The following NELL1 variants were observed in gnomAD, a reference collection of about 807,000 sequenced individuals.
The protein encoded by NELL1 is neural EGFL like 1.
A neutral mutation model predicts 107.4 loss-of-function variants in NELL1; 76 were observed. That is an observed-to-expected ratio of 0.71 (90% CI 0.59 to 0.86). The LOEUF (loss-of-function observed/expected upper bound fraction) is 0.86. NELL1 is among the 40% of genes least tolerant of loss of function. The pLI, the probability that NELL1 is intolerant of heterozygous loss-of-function variation, is 0.00. For synonymous variants in NELL1, 353 were observed against 341.2 expected, an observed-to-expected ratio of 1.03 and a Z score of -0.38; for missense variants, 1,024 against 1,005.5, an observed-to-expected ratio of 1.02 and a Z score of -0.25.
chr11:20,763,611 T>C (rs1479443654), intron 2 of NELL1, among the ~76,000 whole-genome samples: 1 of 152,206 alleles, frequency 6.6e-6, no homozygotes, highest in African/African-American at 2.4e-5. Context: ...TTTCATATCA[T>C]GACACATAAG....
chr11:20,682,577 G>C (rs115231876), intron 2 of NELL1, among the ~76,000 whole-genome samples: 6,765 of 151,796 alleles, frequency 0.045, 527 homozygotes, highest in African/African-American at 0.16. Flanking sequence ...AATTAAACAG[G>C]TTTATTGAGG....
chr11:20,717,675 C>CT (rs1238343425), intron 2 of NELL1, among the ~76,000 whole-genome samples: 3 of 152,118 alleles, frequency 2.0e-5, no homozygotes, highest in African/African-American at 7.2e-5. Flanking sequence ...TTCTTAAGGA[C>CT]TGTCTTACCT....
chr11:21,042,158 T>A (rs1853250891), intron 12 of NELL1, among the ~76,000 whole-genome samples: 1 of 152,230 alleles, frequency 6.6e-6, no homozygotes, highest in Non-Finnish European at 1.5e-5. Flanking sequence ...TAACACAATG[T>A]ATTATAAACG....
chr11:20,708,235 C>A (rs1564872736), intron 2 of NELL1, among the ~76,000 whole-genome samples: 1 of 152,220 alleles, frequency 6.6e-6, no homozygotes, highest in African/African-American at 2.4e-5. Context: ...TTTCCAGGTA[C>A]CATCTGTCAT....
intron 2 of NELL1, among the ~76,000 whole-genome samples, chr11:20,690,936 G>A (rs7936689): frequency 0.44 from 66,152 of 151,654 alleles, 16,066 homozygotes; most frequent in Middle Eastern, 0.61. Context: ...TCTTCCATTT[G>A]TTTGTGTCCT....
At chr11:21,209,067 C>G (rs1857445986) in intron 13 of NELL1, among the ~76,000 whole-genome samples, 1 of 152,124 alleles carries the variant, frequency 6.6e-6, no homozygotes, top group Admixed American at 6.6e-5. Flanking sequence ...TGGGATCCTA[C>G]TGGGCACAAA....
chr11:20,905,363 A>G (rs1250983628), intron 5 of NELL1, among the ~76,000 whole-genome samples: 2 of 152,186 alleles, frequency 1.3e-5, no homozygotes, highest in Non-Finnish European at 2.9e-5. Flanking sequence ...TCAGTGTTCA[A>G]ATAAAGTCAC....
intron 15 of NELL1, among the ~76,000 whole-genome samples, chr11:21,465,618 C>T (rs1470491627): frequency 1.3e-5 from 2 of 152,050 alleles, no homozygotes; most frequent in Admixed American, 1.3e-4. Context: ...CATTCATTCA[C>T]CTTTTTAAAA....
chr11:21,421,707 A>G (rs1590920330), intron 15 of NELL1, among the ~76,000 whole-genome samples: 2 of 152,136 alleles, frequency 1.3e-5, no homozygotes, highest in East Asian at 3.9e-4. Context: ...ACGAGAGAGA[A>G]AAAGGAGCAG....
intron 13 of NELL1, among the ~76,000 whole-genome samples, chr11:21,121,210 G>A (rs1855360251): frequency 6.6e-6 from 1 of 152,144 alleles, no homozygotes; most frequent in Non-Finnish European, 1.5e-5. Flanking sequence ...AGAGGGAAAT[G>A]GGAAGGGATA....
intron 2 of NELL1, among the ~76,000 whole-genome samples, chr11:20,707,626 G>A (rs1590222265): frequency 6.6e-6 from 1 of 152,302 alleles, no homozygotes; most frequent in East Asian, 1.9e-4. Context: ...GGAGTTTGCT[G>A]GAGGTCCATT....
chr11:21,401,551 A>T (rs1167870783), intron 15 of NELL1, among the ~76,000 whole-genome samples: 1 of 150,454 alleles, frequency 6.6e-6, no homozygotes, highest in African/African-American at 2.5e-5. Flanking sequence ...GTGCAAACTG[A>T]CACAAAAATG....
chr11:20,704,050 G>A (rs1336474661), intron 2 of NELL1, among the ~76,000 whole-genome samples: 4 of 151,624 alleles, frequency 2.6e-5, no homozygotes, highest in Non-Finnish European at 4.4e-5. Context: ...TTCAATTCCC[G>A]GGTATCCTTG....
At chr11:20,978,414 A>C (rs958165542) in intron 12 of NELL1, among the ~76,000 whole-genome samples, 9 of 151,238 alleles carry the variant, frequency 6.0e-5, no homozygotes, top group African/African-American at 2.2e-4. Context: ...ATCCTAATCC[A>C]ATATTATATT....
intron 13 of NELL1, among the ~76,000 whole-genome samples, chr11:21,133,614 T>C (rs566999719): frequency 1.3e-5 from 2 of 152,248 alleles, no homozygotes; most frequent in South Asian, 2.1e-4. Context: ...AGTGCTGCCC[T>C]GAGCCCTCGC....
chr11:20,788,202 A>G (rs1180543133), intron 3 of NELL1, among the ~76,000 whole-genome samples: 1 of 152,208 alleles, frequency 6.6e-6, no homozygotes, highest in African/African-American at 2.4e-5. Flanking sequence ...ACATGTTTTT[A>G]TTTCCTTGGG....
chr11:20,871,944 G>A (rs11025793), intron 4 of NELL1, among the ~76,000 whole-genome samples: 84,935 of 148,300 alleles, frequency 0.57, 27,354 homozygotes, highest in Non-Finnish European at 0.72. Flanking sequence ...GCATGAACCT[G>A]GGAGGCGGAG....
chr11:21,288,307 CAGTT>C (rs1308261482), intron 14 of NELL1, among the ~76,000 whole-genome samples: 16 of 152,290 alleles, frequency 1.1e-4, no homozygotes, highest in Non-Finnish European at 1.8e-4. Context: ...GTCAGTAAAA[CAGTT>C]GGTTGGCAGG....
At chr11:20,856,718 C>CGGG (rs1848888524) in intron 4 of NELL1, among the ~76,000 whole-genome samples, 2 of 152,184 alleles carry the variant, frequency 1.3e-5, no homozygotes, top group Non-Finnish European at 1.5e-5. Context: ...AATGCTGATT[C>CGGG]AAATTTCTTG....
Sources: allele counts gnomAD v4.1 joint callset (sites outside exome capture counted in the v4.1 genomes callset), GRCh38; gene constraint gnomAD v4.1.1; transcripts MANE v1.5; gene names NCBI Gene and HGNC (gene_info 2026-07-23, HGNC 2026-07-21).